INAVA: variants seen among roughly 807,000 people sequenced by gnomAD.
The protein encoded by INAVA is innate immunity activator.
A neutral mutation model predicts 55.3 loss-of-function variants in INAVA; 32 were observed. The observed-to-expected ratio is 0.58, with a 90% CI of 0.44 to 0.78. The LOEUF (loss-of-function observed/expected upper bound fraction) is 0.78, where lower values mean the gene tolerates loss of function less well. INAVA is among the 30% of genes least tolerant of loss of function. The probability of loss-of-function intolerance (pLI) is 0.00; values close to 1 mark genes in which losing one functional copy is unlikely to be tolerated. For synonymous variants in INAVA, 294 were observed against 329.4 expected (o/e 0.89, Z 1.16); for missense variants, 756 against 786.4 (o/e 0.96, Z 0.46).
intron 8 of INAVA, among the ~76,000 whole-genome samples, chr1:200,910,164 G>A (rs1653657177): frequency 6.6e-6 from 1 of 152,114 alleles, no homozygotes; most frequent in Non-Finnish European, 1.5e-5. Context: ...CCACAAAAAG[G>A]ACACTGTGCA....
intron 5 of INAVA, 108 bp from the exon 6 acceptor site, chr1:200,907,726 C>A: frequency 1.3e-6 from 1 of 765,572 alleles, no homozygotes; most frequent in Non-Finnish European, 2.2e-6. Flanking sequence ...ATAACTGATG[C>A]TGTCCTGGGG....
At position 200,898,469 on chromosome 1, in the gene INAVA, GA is replaced by G; in HGVS notation, c.55+17del. 1 of 1,613,264 alleles carries G rather than the reference GA, an allele frequency of 6.2e-7. No individual in the cohort carries two copies. On this transcript the variant is annotated intron_variant, in intron 2 of 9. Transcript: ENST00000413687. ...TCCTGCAGTCTGGTGAGTGTTCAGG[GA>G]AATCCCCCTGCCCTAGTCCCTAGTC...
At position 200,914,135 on chromosome 1, in the gene INAVA, CT is replaced by C. The variant is rs1018749619; in HGVS notation, c.*508del. 1.3e-5 allele frequency: 2 copies of C among 157,776 alleles called. No individual in the cohort carries two copies. The highest frequency in any genetic ancestry group is 4.8e-5 in the African/African-American group (2 of 41,500). The allele number at this position is 157,776 out of a possible 1,614,324, so 9.8% of individuals were successfully genotyped here. A position where few individuals can be genotyped will look rare whatever the true frequency, so the allele number is the denominator to read the frequency against. On this transcript the variant is annotated 3_prime_UTR_variant, in exon 10 of 10. Coordinates refer to ENST00000413687, the MANE Select transcript of INAVA (RefSeq NM_001142569.3). ...CCCAGCCTGGGCTGGGGGAGAATCT[CT>C]TCCCCCTTTTCTAATGTGCTCTGTG...
chr1:200,904,648 G>T (rs908433453), intron 5 of INAVA, among the ~76,000 whole-genome samples: 2 of 152,178 alleles, frequency 1.3e-5, no homozygotes, highest in Non-Finnish European at 2.9e-5. Flanking sequence ...ATGCTGCTGC[G>T]GGGCAGGGGA....
intron 4 of INAVA, among the ~76,000 whole-genome samples, chr1:200,900,597 C>T (rs1469074098): frequency 6.6e-6 from 1 of 152,220 alleles, no homozygotes; most frequent in Non-Finnish European, 1.5e-5. Context: ...TGCCCTTCCC[C>T]TGTGGCGTCA....
intron 4 of INAVA, among the ~76,000 whole-genome samples, 198 bp downstream of exon 4, chr1:200,900,418 G>A (rs960589342): frequency 2.0e-5 from 3 of 152,224 alleles, no homozygotes; most frequent in African/African-American, 7.2e-5. Context: ...CTAAGGAACC[G>A]AGAGCTGGGA....
Position 200,899,568 on chromosome 1 carries a change from G to A in INAVA, c.151G>A (p.Glu51Lys). 6.2e-7 allele frequency: 1 copy of A among 1,613,222 alleles called. No homozygotes were observed. Among genetic ancestry groups the A allele is most frequent in the South Asian group, 1.1e-5 (1 of 91,014 alleles). Reference protein sequence around the residue: ...LEARLEACLEELRRLCLREAE... With the variant: ...LEARLEACLEKLRRLCLREAE... ...AGCGAGGCTGGAGGCCTGCCTGGAG[G>A]AGCTGAGGAGACTCTGCCTTCGGGA... Residue 51 changes from glutamate to lysine, a missense_variant, in exon 3 of 10, where the codon GAG becomes AAG. This residue lies in a region of INAVA where 639 missense variants were observed against 624.3 expected (regional missense o/e 1.02). Coordinates refer to ENST00000413687, the MANE Select transcript of INAVA (RefSeq NM_001142569.3).
intron 7 of INAVA, 41 bp downstream of exon 7, chr1:200,908,981 G>A (rs761913025): frequency 1.3e-6 from 2 of 1,574,384 alleles, no homozygotes; most frequent in African/African-American, 2.7e-5. Context: ...GGCAGGGCAG[G>A]GAGTCGGTGG....
At chr1:200,900,902 C>A in intron 4 of INAVA, 35 bp from the exon 5 acceptor site, 1 of 1,484,832 alleles carries the variant, frequency 6.7e-7, no homozygotes, top group South Asian at 1.3e-5. Flanking sequence ...AATCTCCCTG[C>A]CTCTCTCTAG....
At chr1:200,906,667 C>G (rs1313818393) in intron 5 of INAVA, among the ~76,000 whole-genome samples, 3 of 152,118 alleles carry the variant, frequency 2.0e-5, no homozygotes, top group Non-Finnish European at 4.4e-5. Flanking sequence ...GCCAGATCAC[C>G]AACTGAAGAA....
Position 200,912,253 on chromosome 1 carries a change from C to A in INAVA, c.1644+116C>A, listed in dbSNP as rs556161801. 2.8e-4 allele frequency: 277 copies of A among 995,606 alleles called. 1 individual carries two copies. In the African/African-American group the frequency reaches 4.3e-3, roughly 16 times the overall value. The allele number at this position is 995,606 out of a possible 1,614,324, so 61.7% of individuals were successfully genotyped here. On this transcript the variant is annotated intron_variant, in intron 9 of 9. Coordinates refer to ENST00000413687, the MANE Select transcript of INAVA (RefSeq NM_001142569.3). ...GGCATCAAAGCAGCAACCTAGTGGCCGGGTAATCCCCGTCTAGGAAGAACA... is the reference window on the plus strand; with the variant it reads ...GGCATCAAAGCAGCAACCTAGTGGCAGGGTAATCCCCGTCTAGGAAGAACA...
chr1:200,892,163 TAAG>T (rs1010462622), upstream of INAVA, among the ~76,000 whole-genome samples: 1 of 152,100 alleles, frequency 6.6e-6, no homozygotes, highest in African/African-American at 2.4e-5. Context: ...CAGACGCGAG[TAAG>T]AAAACAGTGA....
chr1:200,900,008 G>T (rs998301057), intron 3 of INAVA, 96 bp from the exon 4 acceptor site: 2 of 1,045,776 alleles, frequency 1.9e-6, no homozygotes, highest in African/African-American at 3.2e-5. Context: ...GGTCCCACCA[G>T]GGCTTCTATG....
In INAVA at chr1:200,902,119, C is replaced by CA. The variant is rs925799674; in HGVS notation, c.520+969dup. ...GGGAGGGAATGAGGCCGTGGCCCTG[C>CA]AAAAAAAAATCCAGAATTGGATTCA... is the stretch of plus-strand genomic sequence containing the variant. On this transcript the variant is annotated intron_variant, in intron 5 of 9. Transcript: ENST00000413687. Among the ~76,000 whole-genome samples, 279 of 151,306 alleles carry CA rather than the reference C, an allele frequency of 1.8e-3. 5 individuals carry two copies. The highest frequency in any genetic ancestry group is 3.4e-3 in the Middle Eastern group (1 of 294).
intron 8 of INAVA, among the ~76,000 whole-genome samples, chr1:200,910,218 G>A (rs576302756): frequency 6.6e-6 from 1 of 152,294 alleles, no homozygotes; most frequent in South Asian, 2.1e-4. Flanking sequence ...ACATGGCCTC[G>A]TTTAACCTCA....
At chr1:200,897,582 G>A (rs1244531963) in intron 1 of INAVA, among the ~76,000 whole-genome samples, 1 of 152,162 alleles carries the variant, frequency 6.6e-6, no homozygotes, top group African/African-American at 2.4e-5. Flanking sequence ...CACCTCCTGG[G>A]TTCTTGGGTT....
intron 5 of INAVA, among the ~76,000 whole-genome samples, chr1:200,905,147 C>T (rs144794135): frequency 1.3e-5 from 2 of 152,310 alleles, no homozygotes; most frequent in African/African-American, 4.8e-5. Context: ...TACTTGTGAG[C>T]CAAGCAAAGC....
In INAVA at chr1:200,908,652, G is replaced by T. The variant is rs10920063; in HGVS notation, c.575-78G>T. 24 of 1,259,818 alleles carry T rather than the reference G, an allele frequency of 1.9e-5. No homozygotes were observed. In the Admixed American group the frequency reaches 5.7e-4, roughly 30 times the overall value. 78.0% of individuals were successfully genotyped at this position (1,259,818 alleles called of 1,614,324 possible). On this transcript the variant is annotated intron_variant, in intron 6 of 9. Coordinates refer to ENST00000413687, the MANE Select transcript of INAVA (RefSeq NM_001142569.3). Reference sequence around the variant, plus strand: ...CATGGGAGGGAGAGCGGCGAGGCATGGGCTGTGGTTTGTGGAGGTTCTTGT... The same window carrying T: ...CATGGGAGGGAGAGCGGCGAGGCATTGGCTGTGGTTTGTGGAGGTTCTTGT...
upstream of INAVA, among the ~76,000 whole-genome samples, chr1:200,893,275 A>G (rs1668272026): frequency 6.6e-6 from 1 of 152,238 alleles, no homozygotes; most frequent in African/African-American, 2.4e-5. Context: ...AAAGAAGCAT[A>G]TATATTGCTA....
Sources: gnomAD v4.1 joint callset for allele counts (sites outside exome capture counted in the v4.1 genomes callset) on GRCh38, gnomAD v4.1.1 for gene constraint, gnomAD v4.1.1 regional missense constraint, MANE v1.5 for transcripts, NCBI Gene and HGNC (gene_info 2026-07-23, HGNC 2026-07-21) for gene names.